LRRC3C: variants seen among roughly 807,000 people sequenced by gnomAD.
LRRC3C encodes leucine rich repeat containing 3C, also known as leucine-rich repeat-containing protein 3C.
Under a neutral mutation model 14.8 loss-of-function variants are expected in LRRC3C, and 11 were observed. The observed-to-expected ratio is 0.74, with a 90% confidence interval of 0.47 to 1.23. The LOEUF is 1.23. Ranked by LOEUF, LRRC3C falls within the 50% of genes most tolerant of loss-of-function variation. The pLI, the probability that LRRC3C is intolerant of heterozygous loss-of-function variation, is 0.00. For synonymous variants in LRRC3C, 149 were observed against 161.5 expected, an observed-to-expected ratio of 0.92 and a Z score of 0.59; for missense variants, 354 against 361.8, an observed-to-expected ratio of 0.98 and a Z score of 0.18.
intron 1 of LRRC3C, among the ~76,000 whole-genome samples, chr17:39,931,014 C>T (rs761865257): frequency 1.5e-4 from 22 of 151,084 alleles, no homozygotes; most frequent in Admixed American, 9.3e-4. Context: ...TGGTGACAGG[C>T]GCCTATAATC....
At chr17:39,931,097 G>A (rs552541999) in intron 1 of LRRC3C, among the ~76,000 whole-genome samples, 11 of 138,050 alleles carry the variant, frequency 8.0e-5, no homozygotes, top group East Asian at 6.7e-4. Context: ...AGCCGAGATC[G>A]TGCCATTGCA....
chr17:39,938,628 T>C (rs926767857), intron 2 of LRRC3C, among the ~76,000 whole-genome samples: 20 of 149,820 alleles, frequency 1.3e-4, no homozygotes, highest in African/African-American at 4.9e-4. Context: ...TTGAGTTTGG[T>C]AGGGGGTCAA....
rs1489738264 is a variant in LRRC3C, at chr17:39,935,851, G to C, written c.-125G>C. 1.0e-6 allele frequency: 1 copy of C among 985,346 alleles called. No individual in the cohort carries two copies. Among genetic ancestry groups the C allele is most frequent in the African/African-American group, 1.7e-5 (1 of 57,242 alleles). The allele number at this position is 985,346 out of a possible 1,614,324, so 61.0% of individuals were successfully genotyped here. On this transcript the variant is annotated 5_prime_UTR_variant, in exon 2 of 4. Transcript: ENST00000377924. ...GTTGCCCTCTCCGCGAAACTGCCCAGTAACCTGGCATTAGACGGGTCCCTG... is the reference window on the plus strand; with the variant it reads ...GTTGCCCTCTCCGCGAAACTGCCCACTAACCTGGCATTAGACGGGTCCCTG...
chr17:39,933,377 A>C (rs1462148431), intron 1 of LRRC3C, among the ~76,000 whole-genome samples: 1 of 152,016 alleles, frequency 6.6e-6, no homozygotes, highest in East Asian at 1.9e-4. Context: ...AGGTTGATAA[A>C]CAAGGAACAT....
In LRRC3C at chr17:39,939,387, G is replaced by A. The variant is rs898854715; in HGVS notation, c.-81-2056G>A. The A allele has an allele frequency of 6.1e-6, 6 of 985,302 alleles. No individual in the cohort carries two copies. The African/African-American group carries it at 1.0e-4, about 17-fold the overall frequency. The allele number at this position is 985,302 out of a possible 1,614,324, so 61.0% of individuals were successfully genotyped here. A position where few individuals can be genotyped will look rare whatever the true frequency, so the allele number is the denominator to read the frequency against. ...GCAGGCAGCACATCAAAGCATTGTG[G>A]AGACATGTCTGTGCCTCCCTCCAGA... On this transcript the variant is annotated intron_variant, in intron 2 of 3. Transcript: ENST00000377924.
At chr17:39,936,583 A>C (rs535579529) in intron 2 of LRRC3C, among the ~76,000 whole-genome samples, 6 of 151,324 alleles carry the variant, frequency 4.0e-5, no homozygotes, top group African/African-American at 1.5e-4. Flanking sequence ...AGGGTGGATC[A>C]CTTGAACCCA....
In LRRC3C at chr17:39,935,904, C is replaced by G. The variant is rs1568117920; in HGVS notation, c.-82+10C>G. On this transcript the variant is annotated intron_variant, in intron 2 of 3. Coordinates refer to ENST00000377924, the MANE Select transcript of LRRC3C (RefSeq NM_001195545.2). ...TGACCTGATAAAGAAGGTAGCCCTT[C>G]CTTATCTATCTTCTCTATCTATCTA... 1 of 982,710 alleles carries G rather than the reference C, an allele frequency of 1.0e-6. No individual in the cohort carries two copies. Among genetic ancestry groups the G allele is most frequent in the Non-Finnish European group, 1.2e-6 (1 of 827,486 alleles). 60.9% of individuals were successfully genotyped at this position (982,710 alleles called of 1,614,324 possible). A position where few individuals can be genotyped will look rare whatever the true frequency, so the allele number is the denominator to read the frequency against.
intron 1 of LRRC3C, among the ~76,000 whole-genome samples, chr17:39,934,074 G>A (rs577802419): frequency 2.6e-5 from 4 of 152,306 alleles, no homozygotes; most frequent in African/African-American, 4.8e-5. Context: ...CATCGCCAGC[G>A]GGCACTCTGT....
intron 1 of LRRC3C, among the ~76,000 whole-genome samples, chr17:39,932,778 A>G (rs951420427): frequency 1.3e-5 from 2 of 151,586 alleles, no homozygotes; most frequent in African/African-American, 4.8e-5. Flanking sequence ...ACAACCGGGC[A>G]TGGTGGCTAG....
chr17:39,938,534 C>A (rs78420998), intron 2 of LRRC3C, among the ~76,000 whole-genome samples: 887 of 114,824 alleles, frequency 7.7e-3, no homozygotes, highest in Admixed American at 7.7e-3. Flanking sequence ...CTCATCTCTA[C>A]AAAAAAAAAA....
intron 1 of LRRC3C, among the ~76,000 whole-genome samples, chr17:39,931,319 G>C (rs933986980): frequency 6.6e-6 from 1 of 150,964 alleles, no homozygotes; most frequent in African/African-American, 2.4e-5. Context: ...GGTGGCACGT[G>C]CCTGTAATCC....
rs1484294374 is a variant in LRRC3C at position 39,931,825 on chromosome 17, A to C, written c.-174-3977A>C. On this transcript the variant is annotated intron_variant, in intron 1 of 3. Transcript: ENST00000377924. Reference sequence around the variant, plus strand: ...GCCACCACATCCAGGTAATTTTTGTATTTTTAGTTGAGACAGGGTTTCACC... The same window carrying C: ...GCCACCACATCCAGGTAATTTTTGTCTTTTTAGTTGAGACAGGGTTTCACC... Among the ~76,000 whole-genome samples, 5 of 151,680 alleles carry C rather than the reference A, an allele frequency of 3.3e-5. No individual in the cohort carries two copies. The South Asian group carries it at 1.0e-3, about 32-fold the overall frequency.
At chr17:39,930,556 A>G (rs1978621605) in intron 1 of LRRC3C, among the ~76,000 whole-genome samples, 2 of 150,458 alleles carry the variant, frequency 1.3e-5, no homozygotes, top group Non-Finnish European at 3.0e-5. Flanking sequence ...AAAACTACAA[A>G]AACTAGCTGG....
chr17:39,940,248 G>A (rs72832962), intron 2 of LRRC3C, among the ~76,000 whole-genome samples: 11,667 of 152,074 alleles, frequency 0.077, 611 homozygotes, highest in Non-Finnish European at 0.11. Flanking sequence ...CTACCATCTG[G>A]TCTGGTCCCC....
chr17:39,938,366 G>A (rs1226809803), intron 2 of LRRC3C, among the ~76,000 whole-genome samples: 1 of 151,760 alleles, frequency 6.6e-6, no homozygotes, highest in African/African-American at 2.4e-5. Flanking sequence ...TTTATGCTTT[G>A]TTGTCTCATG....
At chr17:39,929,546 A>G (rs150631202) in intron 1 of LRRC3C, 2 of 152,236 alleles carry the variant, frequency 1.3e-5, no homozygotes, top group East Asian at 3.9e-4. Flanking sequence ...GAATAGCCCT[A>G]AGCACTATTC....
rs1389352976 is a variant in LRRC3C, at chr17:39,943,980, C to T, written c.74C>T (p.Thr25Ile). ...GLCQFMAMLP[T>I]AGHLLPLLLV... ...TGCCAATTTATGGCCATGCTCCCAA[C>T]AGCAGGTCACCTCCTGCCCCTCCTG... Residue 25 changes from threonine (T) to isoleucine (I), a missense_variant, in exon 4 of 4, where the codon ACA (threonine) becomes ATA (isoleucine). By Grantham distance (89) the Thr-to-Ile change is moderately conservative (BLOSUM62 -1). Coordinates refer to ENST00000377924, the MANE Select transcript of LRRC3C (RefSeq NM_001195545.2). The T allele has an allele frequency of 2.2e-5, 34 of 1,536,034 alleles. No individual in the cohort carries two copies. Among genetic ancestry groups the T allele is most frequent in the East Asian group, 4.9e-5 (2 of 40,918 alleles).
chr17:39,930,708 C>CAAAAAAA (rs71300058), intron 1 of LRRC3C, among the ~76,000 whole-genome samples: 1 of 70,654 alleles, frequency 1.4e-5, no homozygotes, highest in Non-Finnish European at 2.4e-5. Flanking sequence ...GGCTCTGTCT[C>CAAAAAAA]AAAAAAAAAA....
At chr17:39,941,259 G>A (rs114138062) in intron 2 of LRRC3C, among the ~76,000 whole-genome samples, 184 bp from the exon 3 acceptor site, 1 of 151,448 alleles carries the variant, frequency 6.6e-6, no homozygotes, top group South Asian at 2.1e-4. Context: ...ACTAAGGCAG[G>A]AGAGTCGTTT....
Sources: allele counts gnomAD v4.1 joint callset (sites outside exome capture counted in the v4.1 genomes callset), GRCh38; gene constraint gnomAD v4.1.1; transcripts MANE v1.5; gene names NCBI Gene and HGNC (gene_info 2026-07-23, HGNC 2026-07-21).